Variants in TARS1 observed in about 807,000 individuals in gnomAD.
TARS1 encodes threonine--tRNA ligase 1, cytoplasmic.
A neutral mutation model predicts 97.7 loss-of-function variants in TARS1; 57 were observed. The observed-to-expected ratio is 0.58, with a 90% CI of 0.47 to 0.73. The LOEUF (loss-of-function observed/expected upper bound fraction) is 0.73, where lower values mean the gene tolerates loss of function less well. Ranked by LOEUF, TARS1 falls within the 30% of genes least tolerant of loss-of-function variation. The pLI is 0.00. For missense variants in TARS1, 806 were observed against 888.3 expected (o/e 0.91, Z 1.18); for synonymous variants, 312 against 293.7 (o/e 1.06, Z -0.64).
intron 1 of TARS1, among the ~76,000 whole-genome samples, chr5:33,443,717 G>A (rs896454134): frequency 1.3e-5 from 2 of 151,842 alleles, no homozygotes; most frequent in Non-Finnish European, 2.9e-5. Flanking sequence ...GGATGGTCTC[G>A]ATCTCCTGAC....
intron 4 of TARS1, 49 bp downstream of exon 4, chr5:33,453,461 T>A (rs771876897): frequency 2.5e-6 from 4 of 1,608,236 alleles, no homozygotes; most frequent in Non-Finnish European, 3.4e-6. Context: ...AGATTCACAT[T>A]TGAAGTCTTT....
At chr5:33,445,453 G>T (rs749097628) in intron 2 of TARS1, 49 bp downstream of exon 2, 2 of 1,536,880 alleles carry the variant, frequency 1.3e-6, no homozygotes, top group East Asian at 2.3e-5. Context: ...TTGGCAAATC[G>T]CAGGGAACTT....
At chr5:33,465,680 TAA>T (rs1742497375) in intron 17 of TARS1, among the ~76,000 whole-genome samples, 1 of 152,244 alleles carries the variant, frequency 6.6e-6, no homozygotes, top group Admixed American at 6.5e-5. Flanking sequence ...GTTAAAATGC[TAA>T]GACTTGTGCA....
chr5:33,460,790 G>A, intron 11 of TARS1, 112 bp from the exon 12 acceptor site: 3 of 1,288,584 alleles, frequency 2.3e-6, no homozygotes, highest in South Asian at 3.0e-5. Flanking sequence ...AATGTTGCTT[G>A]GATGGACAGC....
At chr5:33,462,279 A>T in intron 16 of TARS1, 76 bp downstream of exon 16, 1 of 1,303,250 alleles carries the variant, frequency 7.7e-7, no homozygotes, top group Non-Finnish European at 1.1e-6. Context: ...CGATTTAATT[A>T]TCAGATGGAA....
chr5:33,454,885 C>T, intron 4 of TARS1, 60 bp from the exon 5 acceptor site: 1 of 1,578,530 alleles, frequency 6.3e-7, no homozygotes, highest in Non-Finnish European at 8.6e-7. Flanking sequence ...CAGACAACCA[C>T]ATTAATTGGC....
chr5:33,447,158 T>G (rs370573765), intron 2 of TARS1, among the ~76,000 whole-genome samples: 1 of 152,036 alleles, frequency 6.6e-6, no homozygotes, highest in South Asian at 2.1e-4. Flanking sequence ...CGTTAAAGAA[T>G]GGAAAGAAGG....
intron 11 of TARS1, 93 bp downstream of exon 11, chr5:33,459,954 C>A: frequency 7.3e-7 from 1 of 1,367,348 alleles, no homozygotes; most frequent in Non-Finnish European, 1.0e-6. Context: ...TCATTAAAAA[C>A]AAATTATGTG....
In TARS1 at chr5:33,461,935, G is replaced by A; in HGVS notation, c.1659G>A (p.Gly553=). Residue 553 remains glycine, a synonymous_variant, in exon 15 of 19, where the codon GGG becomes GGA. Transcript: ENST00000265112. ...KIDIQIKDAI[G]RYHQCATIQL... ...ACATACAGATTAAAGATGCGATTGGGCGGTACCACCAGTGTGCAACCATCC... is the reference window on the plus strand; with the variant it reads ...ACATACAGATTAAAGATGCGATTGGACGGTACCACCAGTGTGCAACCATCC... 1 of 1,614,002 alleles carries A rather than the reference G, an allele frequency of 6.2e-7. No homozygotes were observed.
In TARS1 at chr5:33,466,999, C is replaced by G; in HGVS notation, c.2023+14C>G. The stretch of plus-strand genomic sequence containing the variant: ...ACTTCATTTTAGGTAAGAATGGAAA[C>G]TTACCAAAGAAAATTTGCCACACCT... On this transcript the variant is annotated intron_variant, in intron 18 of 18. Coordinates refer to ENST00000265112, the MANE Select transcript of TARS1 (RefSeq NM_152295.5). 6.6e-7 allele frequency: 1 copy of G among 1,516,852 alleles called. No individual in the cohort carries two copies. Among genetic ancestry groups the G allele is most frequent in the African/African-American group, 1.4e-5 (1 of 71,064 alleles). 94.0% of individuals were successfully genotyped at this position (1,516,852 alleles called of 1,614,324 possible). A position where few individuals can be genotyped will look rare whatever the true frequency, so the allele number is the denominator to read the frequency against.
At chr5:33,458,054 T>C (rs1376457531) in intron 9 of TARS1, among the ~76,000 whole-genome samples, 1 of 152,122 alleles carries the variant, frequency 6.6e-6, no homozygotes, top group East Asian at 1.9e-4. Flanking sequence ...TTTGGGCACT[T>C]GGGGAGGCGG....
intron 11 of TARS1, 139 bp downstream of exon 11, chr5:33,460,000 A>T: frequency 4.8e-6 from 4 of 829,384 alleles, no homozygotes; most frequent in Non-Finnish European, 7.1e-6. Context: ...TCTTTGTATT[A>T]TATCTTCTGC....
chr5:33,447,606 G>A (rs1741483286), intron 2 of TARS1, among the ~76,000 whole-genome samples: 1 of 151,566 alleles, frequency 6.6e-6, no homozygotes, highest in Admixed American at 6.6e-5. Context: ...GTGGTATGTT[G>A]ATATATATGG....
chr5:33,442,320 C>CTTT (rs763508345), intron 1 of TARS1, among the ~76,000 whole-genome samples: 29 of 104,600 alleles, frequency 2.8e-4, no homozygotes, highest in Admixed American at 4.2e-4. Flanking sequence ...TGTTTTGTAA[C>CTTT]TTTTTTTTTT....
chr5:33,445,020 G>A (rs1741344538), intron 1 of TARS1, among the ~76,000 whole-genome samples: 1 of 151,816 alleles, frequency 6.6e-6, no homozygotes, highest in Non-Finnish European at 1.5e-5. Flanking sequence ...GTGGCCATAT[G>A]TTTGGTATGT....
chr5:33,457,816 A>G (rs1441481056), intron 9 of TARS1, among the ~76,000 whole-genome samples: 11 of 152,236 alleles, frequency 7.2e-5, no homozygotes. Context: ...ATCCTGTGCT[A>G]TCATTTCCTC....
chr5:33,463,626 G>A, intron 16 of TARS1, 127 bp from the exon 17 acceptor site: 1 of 819,926 alleles, frequency 1.2e-6, no homozygotes, highest in East Asian at 2.7e-5. Context: ...GTTTTTTAAA[G>A]CCAAGTTTTA....
In TARS1 at chr5:33,461,702, G is replaced by A. The variant is rs781493109; in HGVS notation, c.1587G>A (p.Lys529=). The A allele has an allele frequency of 1.9e-6, 3 of 1,614,136 alleles. No homozygotes were observed. Among genetic ancestry groups the A allele is most frequent in the Non-Finnish European group, 1.7e-6 (2 of 1,180,018 alleles). ...LENSLNEFGE[K]WELNSGDGAF... Reference sequence around the variant, plus strand: ...ACAGTCTGAATGAATTTGGTGAAAAGTGGGAGTTAAACTCTGGAGATGGAG... The same window carrying A: ...ACAGTCTGAATGAATTTGGTGAAAAATGGGAGTTAAACTCTGGAGATGGAG... Residue 529 remains lysine, a synonymous_variant, in exon 14 of 19, where the codon AAG becomes AAA. Coordinates refer to ENST00000265112, the MANE Select transcript of TARS1 (RefSeq NM_152295.5).
chr5:33,455,372 C>G (rs988356589), intron 5 of TARS1, among the ~76,000 whole-genome samples: 2 of 151,996 alleles, frequency 1.3e-5, no homozygotes, highest in Non-Finnish European at 2.9e-5. Flanking sequence ...AGAAAGGTCT[C>G]CATGGATGAC....
Sources: gnomAD v4.1 joint callset for allele counts (sites outside exome capture counted in the v4.1 genomes callset) on GRCh38, gnomAD v4.1.1 for gene constraint, MANE v1.5 for transcripts, NCBI Gene and HGNC (gene_info 2026-07-23, HGNC 2026-07-21) for gene names.